Variants in PTPRQ observed in about 807,000 individuals in gnomAD.
The protein encoded by PTPRQ is phosphatidylinositol phosphatase PTPRQ.
A neutral mutation model predicts 246.0 loss-of-function variants in PTPRQ; 199 were observed. The observed-to-expected ratio is 0.81, with a 90% CI of 0.72 to 0.91. The LOEUF is 0.91. PTPRQ is among the 40% of genes least tolerant of loss of function. The probability of loss-of-function intolerance (pLI) is 0.00; values close to 1 mark genes in which losing one functional copy is unlikely to be tolerated. For synonymous variants in PTPRQ, 869 were observed against 853.2 expected, an observed-to-expected ratio of 1.02 and a Z score of -0.32; for missense variants, 2,624 against 2,528.4, an observed-to-expected ratio of 1.04 and a Z score of -0.81.
At chr12:80,455,330 T>C (rs1260484662) in intron 3 of PTPRQ, among the ~76,000 whole-genome samples, 2 of 152,202 alleles carry the variant, frequency 1.3e-5, no homozygotes, top group Non-Finnish European at 2.9e-5. Context: ...TTTTCAAAAA[T>C]AAATCAAGTT....
In PTPRQ at chr12:80,588,362, T is replaced by C. The variant is rs1361782778; in HGVS notation, c.4519T>C (p.Phe1507Leu). ...TEETVYGLKK[F>L]RWYRFQVAAS... ...AGAGACAGTATATGGATTAAAGAAA[T>C]TTAGATGGTATAGATTCCAAGTGGC... The change falls in exon 26 of 45, where the codon TTT becomes CTT. Residue 1507 changes from phenylalanine (F) to leucine (L), a missense_variant. Transcript: ENST00000644991. 1.9e-6 allele frequency: 3 copies of C among 1,546,714 alleles called. No homozygotes were observed.
At position 80,588,252 on chromosome 12, in the gene PTPRQ, G is replaced by A. The variant is rs528129560; in HGVS notation, c.4409G>A (p.Arg1470His). 1.8e-4 allele frequency: 274 copies of A among 1,551,472 alleles called. No homozygotes were observed. The highest frequency in any genetic ancestry group is 6.7e-4 in the Middle Eastern group (4 of 5,990). ...AATTACAAAATTACCACTCAACTTC[G>A]TGCTCAAAAATGCAAAGAATGGGAA... is the stretch of plus-strand genomic sequence containing the variant. Reference protein sequence around the residue: ...FQNYKITTQLRAQKCKEWESE... With the variant: ...FQNYKITTQLHAQKCKEWESE... The change falls in exon 26 of 45, where the codon CGT (arginine) becomes CAT (histidine). Residue 1470 changes from arginine (R) to histidine (H), a missense_variant. Physicochemically the swap from Arg to His is conservative, Grantham distance 29. Coordinates refer to ENST00000644991, the MANE Select transcript of PTPRQ (RefSeq NM_001145026.2).
At chr12:80,676,051 G>A (rs1187060424) in intron 43 of PTPRQ, among the ~76,000 whole-genome samples, 5 of 152,042 alleles carry the variant, frequency 3.3e-5, no homozygotes, top group Non-Finnish European at 5.9e-5. Context: ...TCAGGTACTC[G>A]GAAGCCCTCT....
intron 40 of PTPRQ, 80 bp downstream of exon 40, chr12:80,669,221 G>A: frequency 6.5e-7 from 1 of 1,528,728 alleles, no homozygotes; most frequent in Non-Finnish European, 8.8e-7. Context: ...CTAATACTGT[G>A]AGTCATCAAT....
chr12:80,669,279 G>T (rs974110798), intron 40 of PTPRQ, 60 bp from the exon 41 acceptor site: 8 of 1,538,614 alleles, frequency 5.2e-6, no homozygotes, highest in African/African-American at 1.4e-5. Context: ...AATAACTGTG[G>T]TATACATATA....
intron 25 of PTPRQ, among the ~76,000 whole-genome samples, chr12:80,570,071 G>C (rs1379761702): frequency 1.3e-5 from 2 of 152,182 alleles, no homozygotes; most frequent in Non-Finnish European, 2.9e-5. Flanking sequence ...ATAGTAGAGT[G>C]ATTTATAATC....
In PTPRQ at chr12:80,613,713, G is replaced by T. The variant is rs1898641285; in HGVS notation, c.5040G>T (p.Leu1680=). The T allele has an allele frequency of 6.5e-7, 1 of 1,545,938 alleles. No individual in the cohort carries two copies. Among genetic ancestry groups the T allele is most frequent in the Non-Finnish European group, 8.7e-7 (1 of 1,143,254 alleles). ...GAAATATCCAAGTATATCAAGCTCT[G>T]GTTTACCGAGAAGATGATCCTACTG... is the stretch of plus-strand genomic sequence containing the variant. ...PNGNIQVYQA[L]VYREDDPTAV... is the part of the protein sequence containing the mutation. Residue 1680 remains leucine (L), a synonymous_variant, in exon 29 of 45, where the codon CTG becomes CTT. Transcript: ENST00000644991.
chr12:80,470,206 C>A (rs1348191449), intron 7 of PTPRQ, among the ~76,000 whole-genome samples: 2 of 152,136 alleles, frequency 1.3e-5, no homozygotes, highest in East Asian at 1.9e-4. Flanking sequence ...AAGGTGAGAT[C>A]TTTTGCTCAA....
chr12:80,629,152 GCA>G (rs35680769), intron 33 of PTPRQ, among the ~76,000 whole-genome samples: 25,431 of 145,696 alleles, frequency 0.17, 3,583 homozygotes, highest in African/African-American at 0.39. Context: ...GGAGTGAGTG[GCA>G]CACACACACA....
chr12:80,497,134 C>G (rs781656824), intron 14 of PTPRQ, among the ~76,000 whole-genome samples: 2 of 151,870 alleles, frequency 1.3e-5, no homozygotes, highest in Non-Finnish European at 2.9e-5. Flanking sequence ...GATTCAAGCA[C>G]GTTACGTTTG....
chr12:80,539,628 A>G (rs1321613436), intron 19 of PTPRQ, 148 bp from the exon 20 acceptor site: 3 of 596,966 alleles, frequency 5.0e-6, no homozygotes, highest in African/African-American at 3.9e-5. Context: ...TAATTGTTGC[A>G]ATAAAAAATG....
chr12:80,482,220 G>T (rs917946758), intron 8 of PTPRQ, among the ~76,000 whole-genome samples: 181 of 149,040 alleles, frequency 1.2e-3, no homozygotes, highest in Middle Eastern at 6.9e-3. Context: ...AAATAACGCC[G>T]CATATCTACA....
At chr12:80,543,046 C>A (rs983408661) in intron 23 of PTPRQ, among the ~76,000 whole-genome samples, 165 bp downstream of exon 23, 2 of 151,996 alleles carry the variant, frequency 1.3e-5, no homozygotes, top group South Asian at 4.2e-4. Flanking sequence ...CACAAGCAAG[C>A]GTTTGACAGA....
chr12:80,669,234 C>T, intron 40 of PTPRQ, 93 bp downstream of exon 40: 1 of 1,527,544 alleles, frequency 6.5e-7, no homozygotes, highest in Non-Finnish European at 8.8e-7. Context: ...TCATCAATAA[C>T]CTGGACATCT....
intron 8 of PTPRQ, among the ~76,000 whole-genome samples, chr12:80,474,638 G>T (rs2120557122): frequency 6.6e-6 from 1 of 152,228 alleles, no homozygotes; most frequent in African/African-American, 2.4e-5. Context: ...GGAAAAAAAA[G>T]ATAATAATCT....
intron 16 of PTPRQ, among the ~76,000 whole-genome samples, chr12:80,506,974 T>C (rs1306039576): frequency 1.3e-5 from 2 of 152,046 alleles, no homozygotes; most frequent in Admixed American, 6.6e-5. Flanking sequence ...CGTTAACTGA[T>C]ATATGTCATG....
intron 14 of PTPRQ, among the ~76,000 whole-genome samples, chr12:80,503,847 T>A (rs916463131): frequency 7.9e-5 from 12 of 151,800 alleles, no homozygotes; most frequent in Non-Finnish European, 5.9e-5. Context: ...TCTGAATATG[T>A]TTTTAGTTTG....
chr12:80,473,023 ACACACACACACACTCACACACACG>A (rs1186681329), intron 8 of PTPRQ, among the ~76,000 whole-genome samples: 2 of 95,970 alleles, frequency 2.1e-5, no homozygotes, highest in Admixed American at 2.5e-4. Flanking sequence ...AGACATGTAT[ACACACACACACACTCACACACACG>A]CACACACACA....
intron 14 of PTPRQ, 25 bp from the exon 15 acceptor site, chr12:80,505,999 G>A (rs1349050393): frequency 1.4e-5 from 21 of 1,528,932 alleles, no homozygotes; most frequent in Non-Finnish European, 1.8e-5. Flanking sequence ...ATTGTTTTAT[G>A]TATCTATATT....
Sources: gnomAD v4.1 joint callset for allele counts (sites outside exome capture counted in the v4.1 genomes callset) on GRCh38, gnomAD v4.1.1 for gene constraint, MANE v1.5 for transcripts, NCBI Gene and HGNC (gene_info 2026-07-23, HGNC 2026-07-21) for gene names.